QTMAN: variants seen among roughly 807,000 people sequenced by gnomAD.
QTMAN encodes tRNA-queuosine alpha-mannosyltransferase.
At chr2:144,011,068 C>CT in the QTMAN span, among the ~76,000 whole-genome samples, 36 of 152,078 alleles carry the variant, frequency 2.4e-4, no homozygotes, top group African/African-American at 8.7e-4. Context: ...CTACGGTTTC[C>CT]TTGTTTATAG....
the QTMAN span, among the ~76,000 whole-genome samples, chr2:144,288,277 C>G: frequency 3.9e-5 from 6 of 152,246 alleles, no homozygotes; most frequent in Non-Finnish European, 8.8e-5. Flanking sequence ...GTTATCCCCC[C>G]TTCTTTGAAG....
the QTMAN span, among the ~76,000 whole-genome samples, chr2:144,049,432 G>T: frequency 6.6e-6 from 1 of 152,054 alleles, no homozygotes; most frequent in Non-Finnish European, 1.5e-5. Flanking sequence ...TACTTTTAGA[G>T]CAATATATTT....
chr2:144,040,628 C>T, the QTMAN span, among the ~76,000 whole-genome samples: 30 of 151,114 alleles, frequency 2.0e-4, no homozygotes, highest in Admixed American at 1.2e-3. Context: ...ATAACTGGAA[C>T]GAAAGAAAAG....
chr2:144,204,357 GAAGACA>G, the QTMAN span, among the ~76,000 whole-genome samples: 3 of 152,282 alleles, frequency 2.0e-5, no homozygotes, highest in Non-Finnish European at 2.9e-5. Flanking sequence ...CTTCTTAAAA[GAAGACA>G]TTTATGCAGC....
the QTMAN span, among the ~76,000 whole-genome samples, chr2:144,136,327 AGAGGG>A: frequency 7.1e-6 from 1 of 141,724 alleles, no homozygotes; most frequent in South Asian, 2.7e-4. Flanking sequence ...CCCTGTCAAA[AGAGGG>A]GAGGGGAGGG....
chr2:144,198,463 C>T, the QTMAN span, among the ~76,000 whole-genome samples: 18 of 152,092 alleles, frequency 1.2e-4, no homozygotes, highest in African/African-American at 4.3e-4. Context: ...AAGAGGTACT[C>T]GCAGATAATG....
chr2:144,313,824 G>A, the QTMAN span, among the ~76,000 whole-genome samples: 2 of 149,508 alleles, frequency 1.3e-5, no homozygotes, highest in Non-Finnish European at 3.0e-5. Flanking sequence ...CTAGATTTCA[G>A]CTATTACATG....
the QTMAN span, among the ~76,000 whole-genome samples, chr2:144,003,526 A>C: frequency 6.6e-6 from 1 of 152,150 alleles, no homozygotes; most frequent in East Asian, 1.9e-4. Flanking sequence ...TTATAACAAA[A>C]CATTAAAGAC....
chr2:144,108,990 A>G, the QTMAN span, among the ~76,000 whole-genome samples: 103 of 152,328 alleles, frequency 6.8e-4, no homozygotes, highest in South Asian at 4.6e-3. Flanking sequence ...GTACTGCCCA[A>G]GGTAATTTAT....
chr2:143,987,868 C>T, the QTMAN span, among the ~76,000 whole-genome samples: 1 of 152,144 alleles, frequency 6.6e-6, no homozygotes, highest in East Asian at 1.9e-4. Context: ...CTCTTCCTAA[C>T]CCTCCCAACT....
At chr2:144,292,236 T>C in the QTMAN span, among the ~76,000 whole-genome samples, 1 of 152,326 alleles carries the variant, frequency 6.6e-6, no homozygotes, top group Non-Finnish European at 1.5e-5. Flanking sequence ...CAGTCCAGTC[T>C]AATCACCAAC....
At chr2:143,983,468 GTTTTTTT>G in the QTMAN span, among the ~76,000 whole-genome samples, 1 of 116,002 alleles carries the variant, frequency 8.6e-6, no homozygotes, top group African/African-American at 3.4e-5. Flanking sequence ...CATTTTTGAG[GTTTTTTT>G]TTTTTTTTTT....
At chr2:144,137,628 G>T in the QTMAN span, among the ~76,000 whole-genome samples, 1 of 152,044 alleles carries the variant, frequency 6.6e-6, no homozygotes, top group African/African-American at 2.4e-5. Context: ...TCTAGTTCCT[G>T]CTCTGCCTAT....
At chr2:144,132,504 C>T in the QTMAN span, among the ~76,000 whole-genome samples, 1 of 152,042 alleles carries the variant, frequency 6.6e-6, no homozygotes, top group African/African-American at 2.4e-5. Flanking sequence ...CATTCATCAC[C>T]CATGTGGAAT....
the QTMAN span, among the ~76,000 whole-genome samples, chr2:144,108,554 C>T: frequency 6.6e-6 from 1 of 150,800 alleles, no homozygotes; most frequent in African/African-American, 2.5e-5. Context: ...AGGAGAATAG[C>T]ATGAACCTGG....
the QTMAN span, among the ~76,000 whole-genome samples, chr2:144,170,791 C>T: frequency 6.6e-6 from 1 of 152,084 alleles, no homozygotes; most frequent in Non-Finnish European, 1.5e-5. Flanking sequence ...AGTGTGATTA[C>T]TGAGATTCTT....
the QTMAN span, among the ~76,000 whole-genome samples, chr2:144,169,973 G>GT: frequency 2.0e-5 from 3 of 151,896 alleles, no homozygotes; most frequent in East Asian, 5.8e-4. Context: ...TCTTACCCCA[G>GT]TTTTTTTCCT....
At chr2:144,030,645 C>T in the QTMAN span, among the ~76,000 whole-genome samples, 2 of 151,724 alleles carry the variant, frequency 1.3e-5, no homozygotes, top group Admixed American at 1.3e-4. Flanking sequence ...AGGAAGTCTT[C>T]TTAGAAGGAA....
the QTMAN span, among the ~76,000 whole-genome samples, chr2:144,133,411 TTATA>T: frequency 3.6e-5 from 2 of 56,044 alleles, no homozygotes; most frequent in African/African-American, 9.2e-5. Flanking sequence ...ATATAATATA[TTATA>T]TATAATATAT....
Sources: allele counts gnomAD v4.1 joint callset (sites outside exome capture counted in the v4.1 genomes callset), GRCh38; gene constraint gnomAD v4.1.1; transcripts MANE v1.5; gene names NCBI Gene and HGNC (gene_info 2026-07-23, HGNC 2026-07-21).